NF2: variants seen among roughly 807,000 people sequenced by gnomAD.
NF2 encodes the protein merlin.
In NF2, 8 loss-of-function variants were observed where a neutral mutation model predicts 83.7. The ratio of observed to expected loss-of-function variants is 0.10; its 90% CI spans 0.06 to 0.17. The LOEUF is 0.17. Among genes scored for constraint, NF2 ranks in the 10% least tolerant of loss-of-function variants. The probability of loss-of-function intolerance (pLI) is 1.00; values close to 1 mark genes in which losing one functional copy is unlikely to be tolerated. For synonymous variants in NF2, 266 were observed against 269.6 expected (o/e 0.99, Z 0.13); for missense variants, 533 against 744.4 (o/e 0.72, Z 3.31).
At chr22:29,632,167 A>AT (rs2065531144) in intron 1 of NF2, among the ~76,000 whole-genome samples, 1 of 151,862 alleles carries the variant, frequency 6.6e-6, no homozygotes, top group African/African-American at 2.4e-5. Context: ...TTTGTTCTTG[A>AT]TTTTAGATGG....
At chr22:29,684,409 C>T (rs1348089466) in intron 15 of NF2, among the ~76,000 whole-genome samples, 1 of 152,122 alleles carries the variant, frequency 6.6e-6, no homozygotes, top group Non-Finnish European at 1.5e-5. Flanking sequence ...AGCAGAAAAC[C>T]CCGCTGCATT....
At chr22:29,671,728 C>CA (rs2066794068) in intron 10 of NF2, 98 bp from the exon 11 acceptor site, 1 of 1,573,734 alleles carries the variant, frequency 6.4e-7, no homozygotes, top group African/African-American at 1.4e-5. Context: ...AAAAAGGTCC[C>CA]AAAAGGGGAG....
At chr22:29,680,552 T>C (rs1399075703) in intron 14 of NF2, among the ~76,000 whole-genome samples, 3 of 152,252 alleles carry the variant, frequency 2.0e-5, no homozygotes, top group African/African-American at 7.2e-5. Context: ...TTGCATGGTT[T>C]TTCTGGCCAT....
At chr22:29,623,600 C>T (rs991492517) in intron 1 of NF2, among the ~76,000 whole-genome samples, 7 of 152,084 alleles carry the variant, frequency 4.6e-5, no homozygotes, top group African/African-American at 1.7e-4. Context: ...ACCTGCTAGG[C>T]TCAAGATTCA....
chr22:29,677,601 G>A (rs1569309167), intron 13 of NF2, among the ~76,000 whole-genome samples: 1 of 151,574 alleles, frequency 6.6e-6, no homozygotes, highest in African/African-American at 2.4e-5. Context: ...CCTTTGTGGT[G>A]GTGCCCATCT....
At chr22:29,611,518 AAAACAAAC>A (rs536446876) in intron 1 of NF2, among the ~76,000 whole-genome samples, 3 of 152,104 alleles carry the variant, frequency 2.0e-5, no homozygotes, top group Non-Finnish European at 4.4e-5. Flanking sequence ...GACAGAGCTC[AAAACAAAC>A]AAACAAACAA....
chr22:29,641,271 A>G (rs953988603), intron 3 of NF2, among the ~76,000 whole-genome samples: 2 of 152,196 alleles, frequency 1.3e-5, no homozygotes, highest in Admixed American at 6.5e-5. Context: ...AGAATGTAAA[A>G]TCACTTTTAA....
rs2146849778 is a variant in NF2, at chr22:29,636,656, C to T, written c.115-95C>T. On this transcript the variant is annotated intron_variant, in intron 1 of 15. Coordinates refer to ENST00000338641, the MANE Select transcript of NF2 (RefSeq NM_000268.4). The surrounding 1 kb of genome is among the most constrained non-coding windows in gnomAD (Gnocchi z 4.4). ...CTCATCAGCTGTCTTAGTGTCATCC[C>T]CACGTTTTGGAACCTGAGAGTGGAG... 1.3e-6 allele frequency: 2 copies of T among 1,538,606 alleles called. No individual in the cohort carries two copies. Among genetic ancestry groups the T allele is most frequent in the Non-Finnish European group, 1.8e-6 (2 of 1,112,384 alleles).
intron 1 of NF2, among the ~76,000 whole-genome samples, chr22:29,626,444 GC>G (rs1326654381): frequency 6.6e-6 from 1 of 152,040 alleles, no homozygotes; most frequent in Non-Finnish European, 1.5e-5. Flanking sequence ...GAGCCACCAC[GC>G]CCAGCCCCAT....
intron 5 of NF2, 73 bp downstream of exon 5, chr22:29,654,798 T>C: frequency 8.8e-7 from 1 of 1,137,862 alleles, no homozygotes; most frequent in Non-Finnish European, 1.3e-6. Context: ...CCAAAGGACT[T>C]GAAGGAATAT....
At chr22:29,622,876 G>A (rs1012884708) in intron 1 of NF2, among the ~76,000 whole-genome samples, 12 of 150,212 alleles carry the variant, frequency 8.0e-5, no homozygotes, top group East Asian at 3.9e-4. Flanking sequence ...GGACGGTCTC[G>A]ATCTCCTGAC....
intron 1 of NF2, among the ~76,000 whole-genome samples, chr22:29,634,717 AG>A (rs1221996682): frequency 6.6e-6 from 1 of 152,236 alleles, no homozygotes; most frequent in Non-Finnish European, 1.5e-5. Flanking sequence ...GCCTTAAAAT[AG>A]AGACAAGAGG....
At chr22:29,682,948 G>C (rs542282006) in intron 15 of NF2, 1 of 1,576,956 alleles carries the variant, frequency 6.3e-7, no homozygotes, top group Non-Finnish European at 8.7e-7. Context: ...GCATTTTGCA[G>C]ATGGCACTTA....
intron 1 of NF2, among the ~76,000 whole-genome samples, chr22:29,618,181 C>T (rs1242934380): frequency 2.6e-5 from 4 of 152,110 alleles, no homozygotes; most frequent in Non-Finnish European, 5.9e-5. Flanking sequence ...TGAAAGTAAT[C>T]ATAGTTTGAT....
At chr22:29,681,847 G>C (rs1017198201) in intron 15 of NF2, among the ~76,000 whole-genome samples, 1 of 152,136 alleles carries the variant, frequency 6.6e-6, no homozygotes, top group African/African-American at 2.4e-5. Context: ...CCTGTTACAG[G>C]GTGGATTTTG....
Position 29,661,234 on chromosome 22 carries a change from A to C in NF2, c.705A>C (p.Gly235=), listed in dbSNP as rs749331641. The change falls in exon 8 of 16, where the codon GGA becomes GGC. Residue 235 remains glycine (G), a synonymous_variant. Transcript: ENST00000338641. ...RNKKGTELLL[G]VDALGLHIYD... Reference sequence around the variant, plus strand: ...AAAAGGGCACAGAGCTGCTGCTTGGAGTGGATGCCCTGGGGCTTCACATTT... The same window carrying C: ...AAAAGGGCACAGAGCTGCTGCTTGGCGTGGATGCCCTGGGGCTTCACATTT... 3.7e-6 allele frequency: 6 copies of C among 1,614,116 alleles called. No homozygotes were observed. In the African/African-American group the frequency reaches 8.0e-5, roughly 22 times the overall value.
Position 29,696,304 on chromosome 22 carries a change from C to T in NF2, c.*1502C>T, listed in dbSNP as rs1051082050. ...TAGCTAGGCTGGTCTCAAACTCACA[C>T]CTGGGATTACAGGCATGAGCCACTG... On this transcript the variant is annotated 3_prime_UTR_variant, in exon 16 of 16. Transcript: ENST00000338641. 1.8e-5 allele frequency: 4 copies of T among 219,268 alleles called. No homozygotes were observed. The highest frequency in any genetic ancestry group is 6.8e-5 in the African/African-American group (3 of 44,402). 13.6% of individuals were successfully genotyped at this position (219,268 alleles called of 1,614,324 possible).
rs2066793349 is a variant in NF2 at position 29,671,712 on chromosome 22, G to A, written c.1000-114G>A. 74 of 1,474,918 alleles carry A rather than the reference G, an allele frequency of 5.0e-5. 1 individual carries two copies. The highest frequency in any genetic ancestry group is 6.8e-5 in the Non-Finnish European group (73 of 1,073,650). 91.4% of individuals were successfully genotyped at this position (1,474,918 alleles called of 1,614,324 possible). A position where few individuals can be genotyped will look rare whatever the true frequency, so the allele number is the denominator to read the frequency against. ...ATGACCCTGGCTACCTAAAGGAAAG[G>A]GAAGGAAAAAGGTCCCAAAAGGGGA... On this transcript the variant is annotated intron_variant, in intron 10 of 15. Coordinates refer to ENST00000338641, the MANE Select transcript of NF2 (RefSeq NM_000268.4).
intron 4 of NF2, 127 bp downstream of exon 4, chr22:29,642,412 G>A: frequency 1.3e-6 from 1 of 766,060 alleles, no homozygotes; most frequent in Non-Finnish European, 2.3e-6. Context: ...GAGATGTTAT[G>A]GGACTTGTGG....
Sources: allele counts gnomAD v4.1 joint callset (sites outside exome capture counted in the v4.1 genomes callset), GRCh38; gene constraint gnomAD v4.1.1; non-coding constraint Gnocchi (gnomAD v3.1); transcripts MANE v1.5; gene names NCBI Gene and HGNC (gene_info 2026-07-23, HGNC 2026-07-21).